The following SHANK2 variants were observed in gnomAD, a reference collection of about 807,000 sequenced individuals.
The protein encoded by SHANK2 is SH3 and multiple ankyrin repeat domains protein 2.
Under a neutral mutation model 133.7 loss-of-function variants are expected in SHANK2, and 43 were observed. The ratio of observed to expected loss-of-function variants is 0.32; its 90% CI spans 0.25 to 0.41. The LOEUF (loss-of-function observed/expected upper bound fraction) is 0.41, where lower values mean the gene tolerates loss of function less well. Among genes scored for constraint, SHANK2 ranks in the 10% least tolerant of loss-of-function variants. The pLI, the probability that SHANK2 is intolerant of heterozygous loss-of-function variation, is 1.00. For missense variants in SHANK2, 1,994 were observed against 2,235.8 expected (o/e 0.89, Z 2.18); for synonymous variants, 1,017 against 952.8 (o/e 1.07, Z -1.24).
rs2058625164 is a variant in SHANK2, at chr11:70,473,563, C to T, written c.4980-124G>A. The T allele has an allele frequency of 3.2e-6, 3 of 923,082 alleles. No homozygotes were observed. The highest frequency in any genetic ancestry group is 2.6e-5 in the East Asian group (1 of 38,562). The allele number at this position is 923,082 out of a possible 1,614,324, so 57.2% of individuals were successfully genotyped here. On this transcript the variant is annotated intron_variant, in intron 25 of 25. Transcript: ENST00000601538. This position sits in a 1 kb window ranked among gnomAD's most constrained non-coding sequence, Gnocchi z 5.9. ...ATGCCAGAGTGTCTAGTGGCAGATCCACTGGCAGTGAACGAATGATTTGCC... is the reference window on the plus strand; with the variant it reads ...ATGCCAGAGTGTCTAGTGGCAGATCTACTGGCAGTGAACGAATGATTTGCC...
chr11:71,104,108 T>C (rs949928864), intron 6 of SHANK2, among the ~76,000 whole-genome samples: 2 of 152,104 alleles, frequency 1.3e-5, no homozygotes, highest in East Asian at 1.9e-4. Flanking sequence ...CTCAGGTATG[T>C]CTTTACAGCA....
intron 8 of SHANK2, among the ~76,000 whole-genome samples, chr11:71,082,883 G>A (rs1027727782): frequency 6.6e-6 from 1 of 152,188 alleles, no homozygotes; most frequent in African/African-American, 2.4e-5. Flanking sequence ...AATCAAACGA[G>A]GGGCTGGGAG....
chr11:70,492,761 A>G (rs897553263), intron 21 of SHANK2, among the ~76,000 whole-genome samples: 1 of 104,166 alleles, frequency 9.6e-6, no homozygotes, highest in Admixed American at 9.2e-5. Flanking sequence ...TTTTTGGGAC[A>G]TTTCTGTTTT....
intron 10 of SHANK2, among the ~76,000 whole-genome samples, chr11:70,931,694 A>G (rs1276423628): frequency 6.6e-6 from 1 of 152,218 alleles, no homozygotes; most frequent in African/African-American, 2.4e-5. Flanking sequence ...GGACACAGCT[A>G]TAATTAGAGA....
intron 3 of SHANK2, among the ~76,000 whole-genome samples, chr11:71,138,807 AG>A (rs1282924183): frequency 9.6e-5 from 12 of 124,708 alleles, no homozygotes; most frequent in African/African-American, 5.9e-4. Context: ...AAAAAAAAAA[AG>A]AAAAGAAAAA....
chr11:70,754,720 T>C (rs1946828519), intron 14 of SHANK2, among the ~76,000 whole-genome samples: 1 of 152,112 alleles, frequency 6.6e-6, no homozygotes. Context: ...TTGAATACCA[T>C]GGACCCATAA....
At chr11:71,086,120 A>T (rs1249039452) in intron 8 of SHANK2, among the ~76,000 whole-genome samples, 1 of 25,314 alleles carries the variant, frequency 4.0e-5, no homozygotes, top group Non-Finnish European at 8.0e-5. Context: ...ATGTTATATA[A>T]TATATTAAAT....
chr11:70,799,582 A>T (rs1555050055), intron 13 of SHANK2, among the ~76,000 whole-genome samples: 3 of 152,212 alleles, frequency 2.0e-5, no homozygotes. Context: ...TGGCTTATTA[A>T]TCAGGAACCT....
chr11:70,727,938 G>T (rs1388256623), intron 14 of SHANK2, among the ~76,000 whole-genome samples: 1 of 152,232 alleles, frequency 6.6e-6, no homozygotes, highest in African/African-American at 2.4e-5. Flanking sequence ...GAGGCGAGAG[G>T]TGTTCTGATG....
chr11:70,589,838 A>C (rs1309789520), intron 17 of SHANK2, among the ~76,000 whole-genome samples: 1 of 152,136 alleles, frequency 6.6e-6, no homozygotes, highest in East Asian at 1.9e-4. Flanking sequence ...GATGTGGTGG[A>C]AACAGCAGAA....
At chr11:70,629,172 AC>A (rs1375643572) in intron 17 of SHANK2, among the ~76,000 whole-genome samples, 1 of 152,018 alleles carries the variant, frequency 6.6e-6, no homozygotes, top group Admixed American at 6.6e-5. Flanking sequence ...ACATCCCAGC[AC>A]CGGAAGAGCC....
At chr11:71,105,655 G>A (rs1252868623) in intron 6 of SHANK2, among the ~76,000 whole-genome samples, 1 of 151,700 alleles carries the variant, frequency 6.6e-6, no homozygotes, top group East Asian at 1.9e-4. Flanking sequence ...GATGAAGAGG[G>A]GCACAGAGGA....
chr11:70,847,437 C>T (rs574172555), intron 11 of SHANK2, among the ~76,000 whole-genome samples: 11 of 152,300 alleles, frequency 7.2e-5, no homozygotes, highest in Admixed American at 2.6e-4. Flanking sequence ...GAGGCAAAAC[C>T]GTCAATCCCA....
chr11:70,652,687 T>C (rs1269094898), intron 17 of SHANK2, among the ~76,000 whole-genome samples: 1 of 152,156 alleles, frequency 6.6e-6, no homozygotes, highest in Non-Finnish European at 1.5e-5. Context: ...GGTGCGTGCC[T>C]GTAGTCTGAA....
intron 3 of SHANK2, among the ~76,000 whole-genome samples, chr11:71,146,081 C>T (rs1463836441): frequency 1.6e-4 from 24 of 152,216 alleles, no homozygotes; most frequent in Admixed American, 1.3e-3. Context: ...ACTGCCACCC[C>T]CACCCACATT....
chr11:70,724,454 C>G (rs1306365238), intron 14 of SHANK2, among the ~76,000 whole-genome samples: 1 of 152,170 alleles, frequency 6.6e-6, no homozygotes, highest in African/African-American at 2.4e-5. Flanking sequence ...AAAAATGTCT[C>G]CAAGCACTAT....
intron 10 of SHANK2, among the ~76,000 whole-genome samples, chr11:70,899,023 C>G (rs1429647337): frequency 6.6e-6 from 1 of 152,144 alleles, no homozygotes; most frequent in Non-Finnish European, 1.5e-5. Context: ...CAAAATAACC[C>G]TGAAAGGAAT....
chr11:71,207,069 G>A (rs947513625), intron 2 of SHANK2, among the ~76,000 whole-genome samples: 1 of 149,076 alleles, frequency 6.7e-6, no homozygotes, highest in Admixed American at 6.7e-5. Flanking sequence ...CTGGGTGACA[G>A]AGTGAGGCCC....
At chr11:71,171,235 C>G (rs1953307613) in intron 2 of SHANK2, among the ~76,000 whole-genome samples, 1 of 152,166 alleles carries the variant, frequency 6.6e-6, no homozygotes, top group Non-Finnish European at 1.5e-5. Context: ...ACAGAGTCCC[C>G]GCGATGACAG....
Sources: allele counts gnomAD v4.1 joint callset (sites outside exome capture counted in the v4.1 genomes callset), GRCh38; gene constraint gnomAD v4.1.1; non-coding constraint Gnocchi (gnomAD v3.1); transcripts MANE v1.5; gene names NCBI Gene and HGNC (gene_info 2026-07-23, HGNC 2026-07-21).